Variants in NPAS2 observed in about 807,000 individuals in gnomAD.
The protein encoded by NPAS2 is neuronal PAS domain-containing protein 2.
Under a neutral mutation model 107.5 loss-of-function variants are expected in NPAS2, and 23 were observed. The ratio of observed to expected loss-of-function variants is 0.21; its 90% CI spans 0.15 to 0.30. NPAS2 has a LOEUF of 0.30. Ranked by LOEUF, NPAS2 falls within the 10% of genes least tolerant of loss-of-function variation. The pLI, the probability that NPAS2 is intolerant of heterozygous loss-of-function variation, is 1.00. For synonymous variants in NPAS2, 403 were observed against 417.5 expected (o/e 0.97, Z 0.42); for missense variants, 756 against 1,043.3 (o/e 0.72, Z 3.79).
intron 1 of NPAS2, among the ~76,000 whole-genome samples, chr2:100,873,378 T>A (rs1044030361): frequency 1.4e-4 from 20 of 143,638 alleles, no homozygotes; most frequent in Middle Eastern, 3.7e-3. Flanking sequence ...ATATATATAT[T>A]TTTTCAAATA....
At chr2:100,897,601 C>T (rs1000045001) in intron 1 of NPAS2, among the ~76,000 whole-genome samples, 1 of 152,192 alleles carries the variant, frequency 6.6e-6, no homozygotes, top group African/African-American at 2.4e-5. Flanking sequence ...CTCCCACACT[C>T]CCTTCAGGTC....
intron 15 of NPAS2, among the ~76,000 whole-genome samples, chr2:100,981,048 C>G (rs963909275): frequency 6.6e-6 from 1 of 152,192 alleles, no homozygotes; most frequent in African/African-American, 2.4e-5. Context: ...CTGAGGGTCT[C>G]TGCACATGTC....
chr2:100,864,637 TG>T (rs1278078208), intron 1 of NPAS2, among the ~76,000 whole-genome samples: 3 of 152,102 alleles, frequency 2.0e-5, no homozygotes, highest in Admixed American at 6.5e-5. Context: ...AAAGAAAAAA[TG>T]GGGCACAACA....
At chr2:100,915,602 T>G (rs907207497) in intron 2 of NPAS2, among the ~76,000 whole-genome samples, 1 of 152,200 alleles carries the variant, frequency 6.6e-6, no homozygotes, top group African/African-American at 2.4e-5. Flanking sequence ...ACTATGGATT[T>G]CTCATCAGAA....
chr2:100,884,279 C>T (rs10169483), intron 1 of NPAS2, among the ~76,000 whole-genome samples: 8,292 of 152,170 alleles, frequency 0.054, 731 homozygotes, highest in African/African-American at 0.19. Context: ...TCATCTCCTC[C>T]CGTTGACCAT....
At chr2:100,958,235 G>A (rs1393889721) in intron 7 of NPAS2, among the ~76,000 whole-genome samples, 3 of 152,300 alleles carry the variant, frequency 2.0e-5, no homozygotes, top group Non-Finnish European at 4.4e-5. Context: ...TGAAATACTG[G>A]CAGAAGTGGA....
At chr2:100,842,996 A>G (rs1224790499) in intron 1 of NPAS2, among the ~76,000 whole-genome samples, 1 of 152,062 alleles carries the variant, frequency 6.6e-6, no homozygotes, top group African/African-American at 2.4e-5. Flanking sequence ...TGAGGCAGGC[A>G]GATCATGAGG....
rs1045681722 is a variant in NPAS2, at chr2:100,834,285, G to A, written c.-23+13871G>A. Among the ~76,000 whole-genome samples the A allele has an allele frequency of 5.3e-5, 8 of 152,258 alleles. No individual in the cohort carries two copies. The South Asian group carries it at 6.2e-4, about 12-fold the overall frequency. ...CACCCAGAGGTTTTGGGAGGGCCAC[G>A]CCACAGGCCAACTACCCACTCTGCC... is the stretch of plus-strand genomic sequence containing the variant. On this transcript the variant is annotated intron_variant, in intron 1 of 20. Coordinates refer to ENST00000335681, the MANE Select transcript of NPAS2 (RefSeq NM_002518.4).
At chr2:100,931,764 G>T (rs372423514) in intron 3 of NPAS2, among the ~76,000 whole-genome samples, 2 of 152,064 alleles carry the variant, frequency 1.3e-5, no homozygotes, top group Non-Finnish European at 2.9e-5. Context: ...GATTACAGGC[G>T]TGAGCCACCG....
intron 13 of NPAS2, 107 bp from the exon 14 acceptor site, chr2:100,975,351 C>T (rs1339252188): frequency 1.0e-6 from 1 of 961,982 alleles, no homozygotes; most frequent in Non-Finnish European, 1.6e-6. Context: ...TATCAGAGAT[C>T]CCAAGCGAGC....
chr2:100,947,068 A>G (rs1251976306), intron 5 of NPAS2, among the ~76,000 whole-genome samples: 4 of 152,190 alleles, frequency 2.6e-5, no homozygotes, highest in Admixed American at 2.0e-4. Context: ...AGGCTGGAAC[A>G]TGAGAGAGTT....
intron 7 of NPAS2, among the ~76,000 whole-genome samples, chr2:100,955,850 C>T (rs756784551): frequency 6.6e-6 from 1 of 152,090 alleles, no homozygotes; most frequent in Non-Finnish European, 1.5e-5. Flanking sequence ...CAGGACTCCC[C>T]GCCCCATGCT....
chr2:100,858,238 G>A (rs1253484066), intron 1 of NPAS2, among the ~76,000 whole-genome samples: 1 of 152,176 alleles, frequency 6.6e-6, no homozygotes, highest in Non-Finnish European at 1.5e-5. Context: ...GGATGAGGAT[G>A]CTATCCATAT....
At chr2:100,948,544 C>T (rs534949886) in intron 6 of NPAS2, among the ~76,000 whole-genome samples, 189 bp downstream of exon 6, 1 of 152,232 alleles carries the variant, frequency 6.6e-6, no homozygotes, top group Non-Finnish European at 1.5e-5. Flanking sequence ...ATATGTAAGA[C>T]ATTTGGCTTT....
chr2:100,981,560 A>G (rs892194040), intron 15 of NPAS2, among the ~76,000 whole-genome samples: 2 of 152,096 alleles, frequency 1.3e-5, no homozygotes, highest in Non-Finnish European at 2.9e-5. Flanking sequence ...GACCCAAAAC[A>G]ATCACCGTGT....
intron 3 of NPAS2, 58 bp downstream of exon 3, chr2:100,925,352 A>T: frequency 6.4e-7 from 1 of 1,566,864 alleles, no homozygotes; most frequent in Non-Finnish European, 8.7e-7. Context: ...TGTGGTGATG[A>T]CTTCACCAAT....
rs766013151 is a variant in NPAS2, at chr2:100,901,518, G to A, written c.-22-3215G>A. The A allele has an allele frequency of 2.5e-5, 25 of 985,154 alleles. No individual in the cohort carries two copies. The South Asian group carries it at 3.3e-4, about 13-fold the overall frequency. 61.0% of individuals were successfully genotyped at this position (985,154 alleles called of 1,614,324 possible). ...CCCAGAGAGATGAATGTTACCGGGC[G>A]TGTTCCCTTCTCTCTTCCCTGACGC... On this transcript the variant is annotated intron_variant, in intron 1 of 20. Transcript: ENST00000335681.
intron 1 of NPAS2, among the ~76,000 whole-genome samples, chr2:100,860,823 G>C (rs1365015668): frequency 6.6e-6 from 1 of 151,922 alleles, no homozygotes; most frequent in South Asian, 2.1e-4. Context: ...GGCTCATTCT[G>C]TACTTTCCTT....
intron 1 of NPAS2, among the ~76,000 whole-genome samples, chr2:100,850,536 C>T (rs1349644815): frequency 6.6e-6 from 1 of 152,172 alleles, no homozygotes; most frequent in Non-Finnish European, 1.5e-5. Context: ...GCTGTACATC[C>T]AAGGTTCATA....
Sources: gnomAD v4.1 joint callset for allele counts (sites outside exome capture counted in the v4.1 genomes callset) on GRCh38, gnomAD v4.1.1 for gene constraint, MANE v1.5 for transcripts, NCBI Gene and HGNC (gene_info 2026-07-23, HGNC 2026-07-21) for gene names.